Variants in PSMD1 observed in about 807,000 individuals in gnomAD.
The protein encoded by PSMD1 is 26S proteasome non-ATPase regulatory subunit 1.
A neutral mutation model predicts 119.0 loss-of-function variants in PSMD1; 18 were observed. The observed-to-expected ratio is 0.15, with a 90% CI of 0.10 to 0.22. The LOEUF is 0.22. Among genes scored for constraint, PSMD1 ranks in the 10% least tolerant of loss-of-function variants. PSMD1 has a pLI of 1.00. For missense variants in PSMD1, 702 were observed against 1,158.5 expected (o/e 0.61, Z 5.72); for synonymous variants, 374 against 396.6 (o/e 0.94, Z 0.68).
intron 16 of PSMD1, among the ~76,000 whole-genome samples, chr2:231,103,593 G>T (rs888777756): frequency 6.6e-6 from 1 of 152,074 alleles, no homozygotes; most frequent in Admixed American, 6.6e-5. Flanking sequence ...TAAAATATTG[G>T]AATACTTCAT....
intron 19 of PSMD1, among the ~76,000 whole-genome samples, chr2:231,157,811 C>G (rs1013961426): frequency 1.3e-5 from 2 of 151,998 alleles, no homozygotes; most frequent in African/African-American, 4.8e-5. Context: ...AGGCAATCCA[C>G]CCACCTCGGC....
chr2:231,108,833 G>A, intron 16 of PSMD1: 2 of 1,614,068 alleles, frequency 1.2e-6, no homozygotes, highest in Non-Finnish European at 1.7e-6. Context: ...GTAGACCAAA[G>A]GATTCACTCC....
Position 231,170,299 on chromosome 2 carries a change from C to T in PSMD1, c.2716-267C>T, listed in dbSNP as rs905026213. On this transcript the variant is annotated intron_variant, in intron 23 of 24. Coordinates refer to ENST00000308696, the MANE Select transcript of PSMD1 (RefSeq NM_002807.4). This position sits in a 1 kb window ranked among gnomAD's most constrained non-coding sequence, Gnocchi z 4.1. ...TGAGACTGAGGCTGGTAGTCAAGGC[C>T]ATGGCTGGGAAATAACTATTCTTAA... The T allele has an allele frequency of 1.5e-5, 5 of 323,802 alleles. No individual in the cohort carries two copies. Among genetic ancestry groups the T allele is most frequent in the Admixed American group, 4.8e-5 (1 of 20,710 alleles). 20.1% of individuals were successfully genotyped at this position (323,802 alleles called of 1,614,324 possible).
chr2:231,090,946 C>T (rs553189456), intron 16 of PSMD1, among the ~76,000 whole-genome samples: 17 of 152,058 alleles, frequency 1.1e-4, no homozygotes, highest in African/African-American at 3.6e-4. Context: ...AAGATGCTGT[C>T]GACATTGTTG....
At position 231,170,154 on chromosome 2, in the gene PSMD1, G is replaced by T. The variant is rs1406502158; in HGVS notation, c.2716-412G>T. Among the ~76,000 whole-genome samples the T allele has an allele frequency of 6.6e-6, 1 of 152,172 alleles. No homozygotes were observed. The highest frequency in any genetic ancestry group is 2.4e-5 in the African/African-American group (1 of 41,424). ...GCAGATTCTGCAGATCTAGGGTGGG[G>T]CCAGCTTTTCTGCATTTTTAACAAG... On this transcript the variant is annotated intron_variant, in intron 23 of 24. Transcript: ENST00000308696. The surrounding 1 kb of genome is among the most constrained non-coding windows in gnomAD (Gnocchi z 4.1).
At chr2:231,097,673 C>T (rs1460287036) in intron 16 of PSMD1, among the ~76,000 whole-genome samples, 2 of 152,034 alleles carry the variant, frequency 1.3e-5, no homozygotes, top group Admixed American at 6.6e-5. Flanking sequence ...GACTCAAATC[C>T]TGCAGCTATT....
chr2:231,122,497 C>T (rs1406205514), intron 16 of PSMD1, among the ~76,000 whole-genome samples: 1 of 152,032 alleles, frequency 6.6e-6, no homozygotes, highest in East Asian at 1.9e-4. Flanking sequence ...TTTGCTTAGG[C>T]AGTTTATGAA....
rs377695315 is a variant in PSMD1 at position 231,070,185 on chromosome 2, A to G, written c.654+17A>G. 4 of 1,512,888 alleles carry G rather than the reference A, an allele frequency of 2.6e-6. No homozygotes were observed. The highest frequency in any genetic ancestry group is 2.6e-6 in the Non-Finnish European group (3 of 1,134,922). 93.7% of individuals were successfully genotyped at this position (1,512,888 alleles called of 1,614,324 possible). A position where few individuals can be genotyped will look rare whatever the true frequency, so the allele number is the denominator to read the frequency against. On this transcript the variant is annotated intron_variant, in intron 6 of 24. Transcript: ENST00000308696. ...GTTTGTCAGGTAATGACATTAAATT[A>G]TGTTTCATTACATTGCTCCACGCTG...
At chr2:231,080,103 T>A (rs745934692) in intron 11 of PSMD1, 38 bp from the exon 12 acceptor site, 105 of 1,540,852 alleles carry the variant, frequency 6.8e-5, no homozygotes, top group Non-Finnish European at 8.2e-5. Flanking sequence ...CTTCTTACTT[T>A]CTCTTTTTGA....
chr2:231,122,190 A>G (rs1385735167), intron 16 of PSMD1, among the ~76,000 whole-genome samples: 1 of 152,132 alleles, frequency 6.6e-6, no homozygotes, highest in Non-Finnish European at 1.5e-5. Flanking sequence ...AACTTTACTC[A>G]TTACTGCTTG....
At position 231,138,755 on chromosome 2, in the gene PSMD1, A is replaced by T. The variant is rs201091048; in HGVS notation, c.1903A>T (p.Ser635Cys). 6.2e-7 allele frequency: 1 copy of T among 1,614,064 alleles called. No homozygotes were observed. The highest frequency in any genetic ancestry group is 8.5e-7 in the Non-Finnish European group (1 of 1,179,934). ...TATCAGAACCCCTGAACAGTGCCCA[A>T]GTGTTGTCTCTTTGTTGTCAGAGAG... ...ILFRTPEQCP[S>C]VVSLLSESYN... The change falls in exon 17 of 25, where the codon AGT becomes TGT. Residue 635 changes from serine to cysteine, a missense_variant. Coordinates refer to ENST00000308696, the MANE Select transcript of PSMD1 (RefSeq NM_002807.4).
chr2:231,123,841 T>G, intron 16 of PSMD1: 1 of 1,153,424 alleles, frequency 8.7e-7, no homozygotes, highest in Non-Finnish European at 1.3e-6. Flanking sequence ...CATCTGTTTT[T>G]TTAAGGCATT....
At chr2:231,166,689 C>T (rs1696794074) in intron 23 of PSMD1, among the ~76,000 whole-genome samples, 4 of 152,040 alleles carry the variant, frequency 2.6e-5, no homozygotes, top group Admixed American at 2.0e-4. Flanking sequence ...ATAACTAGAG[C>T]GCCATCAGTA....
intron 16 of PSMD1, among the ~76,000 whole-genome samples, chr2:231,099,852 C>G (rs914393029): frequency 2.0e-5 from 3 of 152,176 alleles, no homozygotes; most frequent in Admixed American, 6.5e-5. Flanking sequence ...TGCCCCCCTC[C>G]CCCTTGCGGC....
At chr2:231,072,508 A>C in intron 7 of PSMD1, 93 bp downstream of exon 7, 1 of 1,215,008 alleles carries the variant, frequency 8.2e-7, no homozygotes, top group Non-Finnish European at 1.2e-6. Flanking sequence ...ATATTCTAAG[A>C]ATAAATTTTG....
intron 16 of PSMD1, among the ~76,000 whole-genome samples, chr2:231,131,411 T>A (rs1380463901): frequency 6.6e-6 from 1 of 152,252 alleles, no homozygotes; most frequent in East Asian, 1.9e-4. Flanking sequence ...ATATAAAGAT[T>A]AATGTGCAGG....
In PSMD1 at chr2:231,153,511, T is replaced by C. The variant is rs1696416205; in HGVS notation, c.2116-53T>C. On this transcript the variant is annotated intron_variant, in intron 18 of 24. Coordinates refer to ENST00000308696, the MANE Select transcript of PSMD1 (RefSeq NM_002807.4). ...AGCAATATTATTCCCTGTTCTAAAA[T>C]GGTACCGCAAATGAGTAGACTTAGA... 5 of 1,227,600 alleles carry C rather than the reference T, an allele frequency of 4.1e-6. No individual in the cohort carries two copies. In the Admixed American group the frequency reaches 5.5e-5, roughly 13 times the overall value. 76.0% of individuals were successfully genotyped at this position (1,227,600 alleles called of 1,614,324 possible). A position where few individuals can be genotyped will look rare whatever the true frequency, so the allele number is the denominator to read the frequency against.
At chr2:231,100,702 T>G (rs1694843247) in intron 16 of PSMD1, among the ~76,000 whole-genome samples, 1 of 152,226 alleles carries the variant, frequency 6.6e-6, no homozygotes, top group Non-Finnish European at 1.5e-5. Flanking sequence ...CACAACAGTT[T>G]GCATTAGGTC....
At chr2:231,059,484 A>G (rs1467199678) in intron 1 of PSMD1, among the ~76,000 whole-genome samples, 1 of 152,198 alleles carries the variant, frequency 6.6e-6, no homozygotes, top group Non-Finnish European at 1.5e-5. Context: ...TTGACTATGC[A>G]GGGGAATGGA....
Sources: gnomAD v4.1 joint callset for allele counts (sites outside exome capture counted in the v4.1 genomes callset) on GRCh38, gnomAD v4.1.1 for gene constraint, Gnocchi (gnomAD v3.1) non-coding constraint, MANE v1.5 for transcripts, NCBI Gene and HGNC (gene_info 2026-07-23, HGNC 2026-07-21) for gene names.